Variants in CIMIP2A observed in about 807,000 individuals in gnomAD.
CIMIP2A encodes the protein family with sequence similarity 166 member A.
At chr9:137,253,186 G>T in the CIMIP2A span, 6 of 1,606,294 alleles carry the variant, frequency 3.7e-6, no homozygotes, top group Non-Finnish European at 5.1e-6. Flanking sequence ...GCCTGGCGTG[G>T]TCATCCAGGG....
At chr9:137,253,283 G>A in the CIMIP2A span, 1 of 1,583,552 alleles carries the variant, frequency 6.3e-7, no homozygotes, top group Non-Finnish European at 8.6e-7. Flanking sequence ...CGGCCACCGA[G>A]TGGAACCATG....
the CIMIP2A span, chr9:137,244,120 C>G: frequency 1.3e-5 from 20 of 1,557,868 alleles, no homozygotes; most frequent in Non-Finnish European, 1.3e-5. Context: ...AGAGCCGTCC[C>G]TCCCCACATT....
the CIMIP2A span, chr9:137,247,850 T>C: frequency 5.0e-6 from 4 of 795,278 alleles, no homozygotes; most frequent in African/African-American, 3.4e-5. Flanking sequence ...GCCACCTCGC[T>C]AACCCTGTGA....
At chr9:137,249,566 C>T in the CIMIP2A span, among the ~76,000 whole-genome samples, 5 of 152,196 alleles carry the variant, frequency 3.3e-5, no homozygotes, top group African/African-American at 9.7e-5. Context: ...CAAGGCAGGA[C>T]GCTAACATTC....
At chr9:137,251,071 G>C in the CIMIP2A span, 2 of 573,674 alleles carry the variant, frequency 3.5e-6, no homozygotes, top group Non-Finnish European at 6.2e-6. Flanking sequence ...GAGAGGGCTG[G>C]GCCAGGAGTC....
the CIMIP2A span, chr9:137,243,757 G>C: frequency 1.9e-6 from 3 of 1,614,092 alleles, no homozygotes; most frequent in Non-Finnish European, 2.5e-6. Flanking sequence ...GGGTGCTGTT[G>C]CCGAATGTCA....
At chr9:137,251,280 G>A in the CIMIP2A span, 8 of 1,590,208 alleles carry the variant, frequency 5.0e-6, no homozygotes, top group African/African-American at 1.1e-4. Flanking sequence ...AGAGCCAGGA[G>A]ACTCTGATGA....
At chr9:137,252,034 T>C in the CIMIP2A span, 1 of 1,612,724 alleles carries the variant, frequency 6.2e-7, no homozygotes, top group South Asian at 1.1e-5. Flanking sequence ...ACAGCTGACC[T>C]GGAAGTCCCC....
chr9:137,245,063 C>A, the CIMIP2A span: 2 of 1,610,462 alleles, frequency 1.2e-6, no homozygotes, highest in Admixed American at 1.7e-5. Context: ...GCGGCCTTCT[C>A]CAGCCCAGCC....
At chr9:137,243,841 T>C in the CIMIP2A span, 1 of 1,577,368 alleles carries the variant, frequency 6.3e-7, no homozygotes, top group Non-Finnish European at 8.7e-7. Flanking sequence ...AGGACCAGCA[T>C]GGGCTGGACA....
At chr9:137,245,837 G>A in the CIMIP2A span, 1 of 1,507,782 alleles carries the variant, frequency 6.6e-7, no homozygotes, top group Non-Finnish European at 8.9e-7. Context: ...CGCAGCTGCG[G>A]AAAGAAGCCG....
At chr9:137,247,752 C>T in the CIMIP2A span, 4 of 1,603,842 alleles carry the variant, frequency 2.5e-6, no homozygotes, top group Non-Finnish European at 3.4e-6. Flanking sequence ...TCCAGTCCCT[C>T]CCGGCATCCA....
the CIMIP2A span, among the ~76,000 whole-genome samples, chr9:137,254,467 G>C: frequency 6.6e-6 from 1 of 152,252 alleles, no homozygotes; most frequent in Non-Finnish European, 1.5e-5. Context: ...AGTGGGAGCG[G>C]CAGGAAAGAT....
chr9:137,253,132 G>A, the CIMIP2A span: 1 of 1,577,954 alleles, frequency 6.3e-7, no homozygotes, highest in Non-Finnish European at 8.6e-7. Context: ...CCCTGGCCCA[G>A]CCGCCTACCA....
the CIMIP2A span, chr9:137,247,836 C>T: frequency 3.1e-6 from 3 of 963,132 alleles, no homozygotes; most frequent in South Asian, 2.9e-5. Context: ...ACCTCCTGGG[C>T]CAGGCCACCT....
the CIMIP2A span, chr9:137,252,448 C>T: frequency 2.4e-5 from 39 of 1,610,606 alleles, no homozygotes; most frequent in African/African-American, 9.3e-5. Context: ...GGGCGGTGGC[C>T]GCAGGGCATG....
chr9:137,247,675 G>A, the CIMIP2A span: 39 of 1,613,286 alleles, frequency 2.4e-5, no homozygotes, highest in Non-Finnish European at 2.8e-5. Flanking sequence ...GACATAGTGA[G>A]GCTCCGGCGT....
At chr9:137,245,708 A>C in the CIMIP2A span, 1 of 1,603,566 alleles carries the variant, frequency 6.2e-7, no homozygotes, top group African/African-American at 1.3e-5. Flanking sequence ...GACTGGCTGA[A>C]GTCCTCAATG....
At chr9:137,245,137 G>C in the CIMIP2A span, 1 of 1,595,586 alleles carries the variant, frequency 6.3e-7, no homozygotes, top group Non-Finnish European at 8.5e-7. Flanking sequence ...AGCTGCGGCA[G>C]CCGCTGGAAG....
Sources: allele counts gnomAD v4.1 joint callset (sites outside exome capture counted in the v4.1 genomes callset), GRCh38; gene constraint gnomAD v4.1.1; transcripts MANE v1.5; gene names NCBI Gene and HGNC (gene_info 2026-07-23, HGNC 2026-07-21).